CRACD: variants seen among roughly 807,000 people sequenced by gnomAD.
CRACD encodes capping protein-inhibiting regulator of actin dynamics.
A neutral mutation model predicts 106.8 loss-of-function variants in CRACD; 56 were observed. The ratio of observed to expected loss-of-function variants is 0.52; its 90% CI spans 0.42 to 0.66. The LOEUF (loss-of-function observed/expected upper bound fraction) is 0.66, where lower values mean the gene tolerates loss of function less well. Among genes scored for constraint, CRACD ranks in the 30% least tolerant of loss-of-function variants. The pLI is 0.00. For synonymous variants in CRACD, 754 were observed against 670.8 expected (o/e 1.12, Z -1.92); for missense variants, 1,730 against 1,623.2 (o/e 1.07, Z -1.13).
intron 2 of CRACD, among the ~76,000 whole-genome samples, chr4:56,254,433 G>A (rs956704748): frequency 6.6e-6 from 1 of 150,994 alleles, no homozygotes; most frequent in Non-Finnish European, 1.5e-5. Flanking sequence ...TATCATATCA[G>A]TGTAGCACTA....
intron 1 of CRACD, among the ~76,000 whole-genome samples, chr4:56,130,162 T>C (rs1156536681): frequency 6.6e-6 from 1 of 152,020 alleles, no homozygotes; most frequent in Non-Finnish European, 1.5e-5. Flanking sequence ...TCCCAGCTAC[T>C]TGGGAGGCTG....
At chr4:56,151,775 A>C (rs1735587252) in intron 1 of CRACD, among the ~76,000 whole-genome samples, 1 of 151,918 alleles carries the variant, frequency 6.6e-6, no homozygotes. Context: ...ACATTTTTGC[A>C]GATTATTTGC....
At chr4:56,068,863 T>TGG (rs1732545905) in intron 1 of CRACD, among the ~76,000 whole-genome samples, 1 of 152,090 alleles carries the variant, frequency 6.6e-6, no homozygotes, top group Non-Finnish European at 1.5e-5. Flanking sequence ...CATGTCCACT[T>TGG]GGAACTTTAG....
In CRACD at chr4:56,329,105, G is replaced by A. The variant is rs1746645460; in HGVS notation, c.*1301G>A. Among the ~76,000 whole-genome samples the A allele has an allele frequency of 6.6e-6, 1 of 152,126 alleles. No homozygotes were observed. The highest frequency in any genetic ancestry group is 2.4e-5 in the African/African-American group (1 of 41,416). ...GTGGCCTTTTTATCATCATACACATGTGCATACAAAGAAGGGACTTGGCAG... is the reference window on the plus strand; with the variant it reads ...GTGGCCTTTTTATCATCATACACATATGCATACAAAGAAGGGACTTGGCAG... On this transcript the variant is annotated 3_prime_UTR_variant, in exon 11 of 11. Transcript: ENST00000682029.
At chr4:56,180,473 T>C (rs1489327548) in intron 2 of CRACD, among the ~76,000 whole-genome samples, 1 of 150,882 alleles carries the variant, frequency 6.6e-6, no homozygotes, top group East Asian at 1.9e-4. Context: ...TGGGTGACAG[T>C]GCAAGACTCC....
At chr4:56,283,666 G>A (rs563253738) in intron 3 of CRACD, among the ~76,000 whole-genome samples, 116 of 152,280 alleles carry the variant, frequency 7.6e-4, no homozygotes, top group African/African-American at 2.7e-3. Context: ...GCCTAATGGC[G>A]GCTGTGGCTC....
At chr4:56,080,742 C>T (rs1461696984) in intron 1 of CRACD, among the ~76,000 whole-genome samples, 1 of 152,214 alleles carries the variant, frequency 6.6e-6, no homozygotes, top group East Asian at 1.9e-4. Flanking sequence ...AAAGGCCCCT[C>T]TCCCTTCAGC....
At chr4:56,140,801 C>A (rs1735168939) in intron 1 of CRACD, among the ~76,000 whole-genome samples, 1 of 152,166 alleles carries the variant, frequency 6.6e-6, no homozygotes, top group Admixed American at 6.5e-5. Flanking sequence ...TTTTAACAAC[C>A]ACTCTTTTGG....
chr4:56,062,680 C>G (rs533364916), intron 1 of CRACD, among the ~76,000 whole-genome samples: 2 of 152,300 alleles, frequency 1.3e-5, no homozygotes, highest in African/African-American at 4.8e-5. Flanking sequence ...CTTCTGCTGA[C>G]GTGGAATCCA....
At chr4:56,274,025 G>A (rs1742523208) in intron 3 of CRACD, among the ~76,000 whole-genome samples, 1 of 152,182 alleles carries the variant, frequency 6.6e-6, no homozygotes, top group Admixed American at 6.5e-5. Flanking sequence ...AACAGCATTT[G>A]TTAGTCCTGA....
intron 2 of CRACD, among the ~76,000 whole-genome samples, chr4:56,228,204 C>G (rs544757641): frequency 6.6e-6 from 1 of 152,164 alleles, no homozygotes; most frequent in Admixed American, 6.5e-5. Context: ...AAAAATATAC[C>G]TGACTTTTGT....
Position 56,328,297 on chromosome 4 carries a change from C to T in CRACD, c.*493C>T, listed in dbSNP as rs1746598065. On this transcript the variant is annotated 3_prime_UTR_variant, in exon 11 of 11. Transcript: ENST00000682029. The stretch of plus-strand genomic sequence containing the variant: ...CTAGCTAAAAGCAAGAACACCCATT[C>T]TCCTGAATGCAGTGAGTAATTGGGA... The T allele has an allele frequency of 1.9e-6, 1 of 518,112 alleles. No individual in the cohort carries two copies. Among genetic ancestry groups the T allele is most frequent in the Non-Finnish European group, 3.9e-6 (1 of 259,486 alleles). The allele number at this position is 518,112 out of a possible 1,614,324, so 32.1% of individuals were successfully genotyped here.
chr4:56,316,322 C>T lies in CRACD; in HGVS notation c.2820C>T (p.Ser940=). The change falls in exon 8 of 11, where the codon AGC becomes AGT. Residue 940 remains serine, a synonymous_variant. Transcript: ENST00000682029. ...CCCACCCTGGGCCTCCACCGGCCAG[C>T]AGCCAGACCCCGGCTCCGGAGCACG... ...PVAHPGPPPA[S]SQTPAPEHDK... 2 of 1,614,020 alleles carry T rather than the reference C, an allele frequency of 1.2e-6. No homozygotes were observed. The highest frequency in any genetic ancestry group is 1.7e-6 in the Non-Finnish European group (2 of 1,179,906).
At chr4:56,230,106 C>T (rs569087695) in intron 2 of CRACD, among the ~76,000 whole-genome samples, 2 of 152,266 alleles carry the variant, frequency 1.3e-5, no homozygotes, top group East Asian at 3.9e-4. Context: ...ATCTGTTCAC[C>T]ACATTAATTG....
intron 2 of CRACD, among the ~76,000 whole-genome samples, chr4:56,186,697 G>C (rs1737107136): frequency 6.6e-6 from 1 of 152,114 alleles, no homozygotes; most frequent in African/African-American, 2.4e-5. Flanking sequence ...GCTGCCTCAG[G>C]TTCTCCTGCT....
chr4:56,246,811 G>C (rs1262185318), intron 2 of CRACD: 1 of 152,208 alleles, frequency 6.6e-6, no homozygotes, highest in Non-Finnish European at 1.5e-5. Flanking sequence ...AATGACATCA[G>C]AATATAGCTT....
chr4:56,049,291 G>A lies in CRACD; in HGVS notation c.-344G>A, dbSNP rs578099498. Reference sequence around the variant, plus strand: ...CTCTGCCAGCCGGAGCGCCAGGCGGGGACCTCAGGTGAGCGCCTGCTCGGC... The same window carrying A: ...CTCTGCCAGCCGGAGCGCCAGGCGGAGACCTCAGGTGAGCGCCTGCTCGGC... On this transcript the variant is annotated 5_prime_UTR_variant, in exon 1 of 11. Coordinates refer to ENST00000682029, the MANE Select transcript of CRACD (RefSeq NM_001393381.1). 5.8e-4 allele frequency: 88 copies of A among 151,616 alleles called. No individual in the cohort carries two copies. The highest frequency in any genetic ancestry group is 2.1e-3 in the African/African-American group (86 of 41,466). 9.4% of individuals were successfully genotyped at this position (151,616 alleles called of 1,614,324 possible).
intron 3 of CRACD, among the ~76,000 whole-genome samples, chr4:56,278,947 T>C (rs565017350): frequency 2.0e-5 from 3 of 152,220 alleles, no homozygotes; most frequent in Non-Finnish European, 4.4e-5. Context: ...TGAGATATTA[T>C]TTCACACCCA....
Position 56,314,547 on chromosome 4 carries a change from G to A in CRACD, c.1045G>A (p.Glu349Lys). 1 of 1,508,828 alleles carries A rather than the reference G, an allele frequency of 6.6e-7. No individual in the cohort carries two copies. The highest frequency in any genetic ancestry group is 8.8e-7 in the Non-Finnish European group (1 of 1,131,858). 93.5% of individuals were successfully genotyped at this position (1,508,828 alleles called of 1,614,324 possible). A position where few individuals can be genotyped will look rare whatever the true frequency, so the allele number is the denominator to read the frequency against. ...GCTGGAGGAGCGGAGGCGGCAGGAG[G>A]AGGAGGAAGGAAGATGCGCGGAGGA... The part of the protein sequence containing the change: ...ARLEERRRQE[E>K]EEGRCAEELK... Residue 349 changes from glutamate to lysine, a missense_variant, in exon 8 of 11, where the codon GAG (glutamate) becomes AAG (lysine). Physicochemically the swap from Glu to Lys is moderately conservative, Grantham distance 56. Around this residue, in one of 5 missense-constraint regions of CRACD, gnomAD observed 1,620 missense variants for 1,481.6 expected, o/e 1.09. Transcript: ENST00000682029. The surrounding 1 kb of genome is among the most constrained non-coding windows in gnomAD (Gnocchi z 4.4).
Sources: allele counts gnomAD v4.1 joint callset (sites outside exome capture counted in the v4.1 genomes callset), GRCh38; gene constraint gnomAD v4.1.1; regional missense constraint gnomAD v4.1.1; non-coding constraint Gnocchi (gnomAD v3.1); transcripts MANE v1.5; gene names NCBI Gene and HGNC (gene_info 2026-07-23, HGNC 2026-07-21).